The following SGMS1 variants were observed in gnomAD, a reference collection of about 807,000 sequenced individuals.
The protein encoded by SGMS1 is sphingomyelin synthase 1.
SGMS1 carries 13 observed loss-of-function variants against 46.2 expected under a neutral mutation model. That is an observed-to-expected ratio of 0.28 (90% CI 0.18 to 0.45). SGMS1 has a LOEUF of 0.45. Among genes scored for constraint, SGMS1 ranks in the 20% least tolerant of loss-of-function variants. The pLI is 1.00. For synonymous variants in SGMS1, 203 were observed against 187.8 expected (o/e 1.08, Z -0.66); for missense variants, 324 against 519.9 (o/e 0.62, Z 3.66).
At chr10:50,521,352 T>C (rs2133789430) in intron 2 of SGMS1, among the ~76,000 whole-genome samples, 1 of 152,316 alleles carries the variant, frequency 6.6e-6, no homozygotes, top group South Asian at 2.1e-4. Context: ...ATAAGTGCAA[T>C]ACAACACAGC....
intron 2 of SGMS1, among the ~76,000 whole-genome samples, chr10:50,570,221 C>T (rs1588880158): frequency 6.6e-6 from 1 of 152,162 alleles, no homozygotes; most frequent in African/African-American, 2.4e-5. Context: ...AAAAGCCACA[C>T]GACAAGCATC....
At chr10:50,574,984 T>TATATATATATATAA (rs1466751231) in intron 2 of SGMS1, among the ~76,000 whole-genome samples, 1 of 144,748 alleles carries the variant, frequency 6.9e-6, no homozygotes, top group South Asian at 2.2e-4. Context: ...TATATATATA[T>TATATATATATATAA]AAAACAAAGT....
rs564158873 is a variant in SGMS1, at chr10:50,420,777, T to C, written c.-232+12699A>G. 2.6e-5 allele frequency among the ~76,000 whole-genome samples: 4 copies of C among 152,280 alleles called. No individual in the cohort carries two copies. The South Asian group carries it at 8.3e-4, about 32-fold the overall frequency. On this transcript the variant is annotated intron_variant, in intron 6 of 10. Coordinates refer to ENST00000361781, the MANE Select transcript of SGMS1 (RefSeq NM_147156.4). ...AAACTTAACACTGCAGTCTAAAAAA[T>C]ACAATTGTGTTTGTGTGTGTGTGGA...
At chr10:50,382,723 C>T (rs1454361922) in intron 6 of SGMS1, among the ~76,000 whole-genome samples, 1 of 152,116 alleles carries the variant, frequency 6.6e-6, no homozygotes, top group East Asian at 1.9e-4. Flanking sequence ...ATCTAAGTTA[C>T]AGCTCCTCTC....
intron 9 of SGMS1, among the ~76,000 whole-genome samples, chr10:50,310,495 A>G (rs1847237033): frequency 6.6e-6 from 1 of 152,230 alleles, no homozygotes; most frequent in South Asian, 2.1e-4. Flanking sequence ...TGGCAGAAGA[A>G]TATAAATGGC....
At chr10:50,393,312 C>T (rs1243325256) in intron 6 of SGMS1, among the ~76,000 whole-genome samples, 1 of 152,106 alleles carries the variant, frequency 6.6e-6, no homozygotes, top group Non-Finnish European at 1.5e-5. Flanking sequence ...CGTCCAATTT[C>T]TCAGACTAAA....
intron 5 of SGMS1, among the ~76,000 whole-genome samples, chr10:50,456,314 A>C (rs1837190466): frequency 1.3e-5 from 2 of 150,304 alleles, no homozygotes; most frequent in African/African-American, 5.0e-5. Flanking sequence ...ATTGATAATA[A>C]GGAGGCTTTG....
chr10:50,396,477 G>A (rs1412426949), intron 6 of SGMS1, among the ~76,000 whole-genome samples: 1 of 152,152 alleles, frequency 6.6e-6, no homozygotes, highest in Non-Finnish European at 1.5e-5. Context: ...CCGTGGAAGG[G>A]GGGATATTTT....
intron 6 of SGMS1, among the ~76,000 whole-genome samples, chr10:50,385,050 A>T (rs1395508099): frequency 1.3e-5 from 2 of 152,080 alleles, no homozygotes; most frequent in Non-Finnish European, 2.9e-5. Flanking sequence ...TGACCCTGAC[A>T]GTTGAAGGGT....
intron 7 of SGMS1, among the ~76,000 whole-genome samples, chr10:50,328,637 G>A (rs144158497): frequency 1.2e-3 from 176 of 152,320 alleles, no homozygotes; most frequent in African/African-American, 4.1e-3. Flanking sequence ...GAATTTGGGT[G>A]TTGGTCTCTT....
intron 3 of SGMS1, among the ~76,000 whole-genome samples, chr10:50,515,400 C>T (rs1837792370): frequency 6.6e-6 from 1 of 152,050 alleles, no homozygotes; most frequent in Non-Finnish European, 1.5e-5. Flanking sequence ...AAACAGCACT[C>T]AGGTGAATTC....
intron 5 of SGMS1, among the ~76,000 whole-genome samples, chr10:50,437,448 T>A (rs1484049663): frequency 6.6e-6 from 1 of 152,206 alleles, no homozygotes; most frequent in Non-Finnish European, 1.5e-5. Context: ...AGCTAATAAA[T>A]GGCAGAAGCT....
At chr10:50,452,771 T>C (rs1837128121) in intron 5 of SGMS1, among the ~76,000 whole-genome samples, 1 of 152,202 alleles carries the variant, frequency 6.6e-6, no homozygotes, top group African/African-American at 2.4e-5. Flanking sequence ...CCTCAGTATA[T>C]GGGCAAATTA....
At chr10:50,505,010 A>G (rs1837695124) in intron 3 of SGMS1, among the ~76,000 whole-genome samples, 1 of 152,174 alleles carries the variant, frequency 6.6e-6, no homozygotes, top group Non-Finnish European at 1.5e-5. Context: ...GGAATTCGAG[A>G]CCAGTGCAGG....
intron 2 of SGMS1, among the ~76,000 whole-genome samples, chr10:50,523,392 G>A (rs966429893): frequency 3.3e-5 from 5 of 152,150 alleles, no homozygotes; most frequent in African/African-American, 1.2e-4. Context: ...CTTACCTTAA[G>A]CACAACACTG....
At chr10:50,323,581 C>A (rs962850253) in intron 8 of SGMS1, among the ~76,000 whole-genome samples, 6 of 152,192 alleles carry the variant, frequency 3.9e-5, no homozygotes, top group Admixed American at 2.6e-4. Context: ...TATTTTCCAG[C>A]CTGATGTTTC....
intron 2 of SGMS1, among the ~76,000 whole-genome samples, chr10:50,537,563 C>A (rs1024632883): frequency 2.0e-5 from 3 of 151,840 alleles, no homozygotes; most frequent in Admixed American, 6.6e-5. Context: ...CCCATTAACT[C>A]GTCATTTACA....
intron 2 of SGMS1, among the ~76,000 whole-genome samples, chr10:50,535,629 A>G (rs987392913): frequency 1.3e-5 from 2 of 152,142 alleles, no homozygotes; most frequent in Non-Finnish European, 2.9e-5. Context: ...CGGCCTCCCA[A>G]AGTGCTGGGA....
intron 2 of SGMS1, among the ~76,000 whole-genome samples, chr10:50,574,530 G>A (rs557958180): frequency 7.2e-5 from 11 of 152,268 alleles, no homozygotes; most frequent in South Asian, 6.2e-4. Context: ...TGGAACCCTT[G>A]CACACTACTG....
Sources: allele counts gnomAD v4.1 joint callset (sites outside exome capture counted in the v4.1 genomes callset), GRCh38; gene constraint gnomAD v4.1.1; transcripts MANE v1.5; gene names NCBI Gene and HGNC (gene_info 2026-07-23, HGNC 2026-07-21).